The following MRTFA variants were observed in gnomAD, a reference collection of about 807,000 sequenced individuals.
MRTFA encodes myocardin-related transcription factor A.
A neutral mutation model predicts 83.5 loss-of-function variants in MRTFA; 20 were observed. The observed-to-expected ratio is 0.24, with a 90% CI of 0.17 to 0.35. The LOEUF is 0.35. MRTFA is among the 10% of genes least tolerant of loss of function. The probability of loss-of-function intolerance (pLI) is 1.00; values close to 1 mark genes in which losing one functional copy is unlikely to be tolerated. For missense variants in MRTFA, 1,200 were observed against 1,224.7 expected (o/e 0.98, Z 0.30); for synonymous variants, 659 against 541.2 (o/e 1.22, Z -3.02).
rs539474130 is a variant in MRTFA at position 40,424,086 on chromosome 22, A to G, written c.777+120T>C. On this transcript the variant is annotated intron_variant, in intron 8 of 14. Transcript: ENST00000355630. ...CAGCCAGCACCTAAGCAACTAGGGT[A>G]GCATCCCCCTGGCTTCCCTGTGCCA... 10 of 1,115,002 alleles carry G rather than the reference A, an allele frequency of 9.0e-6. No individual in the cohort carries two copies. The East Asian group carries it at 2.5e-4, about 28-fold the overall frequency. The allele number at this position is 1,115,002 out of a possible 1,614,324, so 69.1% of individuals were successfully genotyped here. A position where few individuals can be genotyped will look rare whatever the true frequency, so the allele number is the denominator to read the frequency against.
chr22:40,455,875 C>T (rs1398180992), intron 4 of MRTFA, among the ~76,000 whole-genome samples: 1 of 150,714 alleles, frequency 6.6e-6, no homozygotes, highest in Non-Finnish European at 1.5e-5. Flanking sequence ...ACTCTGTCGC[C>T]CAGACTGGAG....
chr22:40,431,764 T>C (rs986796612), intron 5 of MRTFA, among the ~76,000 whole-genome samples: 1 of 151,634 alleles, frequency 6.6e-6, no homozygotes. Context: ...TCTACTACCA[T>C]AAAAGTAATA....
intron 1 of MRTFA, among the ~76,000 whole-genome samples, chr22:40,618,660 C>T (rs2056483849): frequency 6.6e-6 from 1 of 152,092 alleles, no homozygotes; most frequent in South Asian, 2.1e-4. Flanking sequence ...GCAGAGAATG[C>T]ACTTCAAAAG....
chr22:40,423,074 C>A (rs1247112428), intron 9 of MRTFA, among the ~76,000 whole-genome samples: 1 of 152,164 alleles, frequency 6.6e-6, no homozygotes, highest in African/African-American at 2.4e-5. Flanking sequence ...GCCAGCAATG[C>A]CCAGCACAGG....
At chr22:40,503,431 G>A (rs112482422) in intron 3 of MRTFA, among the ~76,000 whole-genome samples, 1 of 152,130 alleles carries the variant, frequency 6.6e-6, no homozygotes, top group Non-Finnish European at 1.5e-5. Flanking sequence ...GGATGGTCTC[G>A]AACCCCTGGC....
intron 2 of MRTFA, among the ~76,000 whole-genome samples, chr22:40,584,529 G>A (rs1261942134): frequency 6.6e-6 from 1 of 152,112 alleles, no homozygotes; most frequent in Admixed American, 6.5e-5. Context: ...CTGAGGTTGG[G>A]AGTTTGAGAC....
chr22:40,419,404 C>G lies in MRTFA; in HGVS notation c.1354-20G>C. On this transcript the variant is annotated intron_variant, in intron 11 of 14. Transcript: ENST00000355630. ...TGCCACCTGCAAGGCAGTCAAGAGT[C>G]AGGGAGGCCAGGGGCAGCTGGACAC... is the stretch of plus-strand genomic sequence containing the variant. 1 of 1,608,658 alleles carries G rather than the reference C, an allele frequency of 6.2e-7. No individual in the cohort carries two copies. The highest frequency in any genetic ancestry group is 8.5e-7 in the Non-Finnish European group (1 of 1,178,054).
chr22:40,436,002 A>G (rs139932586), intron 4 of MRTFA, among the ~76,000 whole-genome samples: 7 of 152,142 alleles, frequency 4.6e-5, no homozygotes, highest in Non-Finnish European at 8.8e-5. Flanking sequence ...AGTGAAGGCA[A>G]TGACACCTGA....
intron 1 of MRTFA, among the ~76,000 whole-genome samples, chr22:40,618,097 C>T (rs1375969483): frequency 3.4e-5 from 5 of 148,858 alleles, no homozygotes; most frequent in South Asian, 2.1e-4. Flanking sequence ...TTTTTTGAGA[C>T]GGAGTCTCGC....
intron 3 of MRTFA, among the ~76,000 whole-genome samples, chr22:40,536,985 C>T (rs1354435957): frequency 3.7e-4 from 32 of 86,196 alleles, no homozygotes; most frequent in Non-Finnish European, 3.9e-4. Flanking sequence ...CGTCTCCGCC[C>T]GGCAGCCACC....
intron 3 of MRTFA, among the ~76,000 whole-genome samples, chr22:40,534,765 C>T (rs955529662): frequency 6.6e-6 from 1 of 152,174 alleles, no homozygotes; most frequent in Non-Finnish European, 1.5e-5. Context: ...ACTAAGAATC[C>T]ATGTTTGGTG....
At chr22:40,623,004 T>C (rs369391549) in intron 1 of MRTFA, among the ~76,000 whole-genome samples, 13 of 152,324 alleles carry the variant, frequency 8.5e-5, no homozygotes, top group Admixed American at 2.0e-4. Flanking sequence ...TCCAAGATTC[T>C]TTCCTGAGTA....
intron 2 of MRTFA, among the ~76,000 whole-genome samples, chr22:40,585,709 A>C (rs764700292): frequency 6.6e-6 from 1 of 152,252 alleles, no homozygotes; most frequent in Non-Finnish European, 1.5e-5. Context: ...GAGAGTTAGC[A>C]GAGAATGCAA....
chr22:40,621,205 G>T (rs1036677221), intron 1 of MRTFA, among the ~76,000 whole-genome samples: 4 of 150,276 alleles, frequency 2.7e-5, no homozygotes, highest in Non-Finnish European at 5.9e-5. Context: ...AAAAGAAGAA[G>T]AAGACTGAAA....
In MRTFA at chr22:40,621,080, C is replaced by T. The variant is rs1224706886; in HGVS notation, c.-84+15398G>A. Among the ~76,000 whole-genome samples, 9 of 151,664 alleles carry T rather than the reference C, an allele frequency of 5.9e-5. No homozygotes were observed. In the East Asian group the frequency reaches 1.5e-3, roughly 26 times the overall value. Reference sequence around the variant, plus strand: ...CCTGTAGCCCCAGCTACTCAGGAGGCTGAGGCAGGAGAATTGCTTGAGCCC... The same window carrying T: ...CCTGTAGCCCCAGCTACTCAGGAGGTTGAGGCAGGAGAATTGCTTGAGCCC... On this transcript the variant is annotated intron_variant, in intron 1 of 14. Coordinates refer to ENST00000355630, the MANE Select transcript of MRTFA (RefSeq NM_020831.6).
chr22:40,600,966 C>A (rs1296418481), intron 1 of MRTFA, among the ~76,000 whole-genome samples: 1 of 152,188 alleles, frequency 6.6e-6, no homozygotes, highest in East Asian at 1.9e-4. Context: ...CAAAGCAAGA[C>A]TCCGTCTCAA....
intron 2 of MRTFA, among the ~76,000 whole-genome samples, chr22:40,557,610 T>TA (rs1349558781): frequency 5.9e-5 from 9 of 151,872 alleles, no homozygotes; most frequent in African/African-American, 9.7e-5. Context: ...GTCTCTTTTT[T>TA]AAAAAAAATT....
At chr22:40,413,818 TGGTC>T (rs1305912736) in intron 14 of MRTFA, among the ~76,000 whole-genome samples, 36 of 152,156 alleles carry the variant, frequency 2.4e-4, no homozygotes, top group Admixed American at 2.3e-3. Context: ...GATACACAAA[TGGTC>T]AGGCAGCACA....
intron 3 of MRTFA, among the ~76,000 whole-genome samples, chr22:40,524,490 C>T (rs986623580): frequency 6.6e-6 from 1 of 152,210 alleles, no homozygotes; most frequent in Admixed American, 6.5e-5. Flanking sequence ...AGCCACAGCT[C>T]TGCCAAGAAC....
Sources: allele counts gnomAD v4.1 joint callset (sites outside exome capture counted in the v4.1 genomes callset), GRCh38; gene constraint gnomAD v4.1.1; transcripts MANE v1.5; gene names NCBI Gene and HGNC (gene_info 2026-07-23, HGNC 2026-07-21).